The following XRCC4 variants were observed in gnomAD, a reference collection of about 807,000 sequenced individuals.
The protein encoded by XRCC4 is X-ray repair cross complementing 4, also known as DNA repair protein XRCC4.
In XRCC4, 28 loss-of-function variants were observed where a neutral mutation model predicts 39.1. The observed-to-expected ratio is 0.72, with a 90% confidence interval of 0.53 to 0.98. The LOEUF (loss-of-function observed/expected upper bound fraction) is 0.98. Among genes scored for constraint, XRCC4 ranks in the 50% least tolerant of loss-of-function variants. The pLI is 0.00. For missense variants in XRCC4, 350 were observed against 376.4 expected, an observed-to-expected ratio of 0.93 and a Z score of 0.58; for synonymous variants, 123 against 126.4, an observed-to-expected ratio of 0.97 and a Z score of 0.18.
At chr5:83,301,874 C>T (rs1221684250) in intron 7 of XRCC4, among the ~76,000 whole-genome samples, 1 of 152,082 alleles carries the variant, frequency 6.6e-6, no homozygotes, top group Non-Finnish European at 1.5e-5. Flanking sequence ...TGTCAAAGAT[C>T]AGATGGTTGT....
At chr5:83,304,600 A>T (rs1162965805) in intron 7 of XRCC4, among the ~76,000 whole-genome samples, 1 of 152,202 alleles carries the variant, frequency 6.6e-6, no homozygotes, top group Admixed American at 6.5e-5. Context: ...TTATTACTTT[A>T]GTTATCTTCT....
intron 7 of XRCC4, among the ~76,000 whole-genome samples, chr5:83,314,542 T>G (rs924957181): frequency 1.3e-5 from 2 of 152,162 alleles, no homozygotes; most frequent in African/African-American, 4.8e-5. Flanking sequence ...TATGGCATAT[T>G]TTATAAATTG....
chr5:83,128,125 C>T (rs1747367355), intron 3 of XRCC4, among the ~76,000 whole-genome samples: 2 of 152,072 alleles, frequency 1.3e-5, no homozygotes, highest in African/African-American at 2.4e-5. Flanking sequence ...CGTCCACCCT[C>T]CTGCCACCCC....
At chr5:83,216,727 G>A (rs554209606) in intron 6 of XRCC4, among the ~76,000 whole-genome samples, 1 of 152,266 alleles carries the variant, frequency 6.6e-6, no homozygotes, top group South Asian at 2.1e-4. Flanking sequence ...GTTGTTTATT[G>A]TATGATCCTA....
chr5:83,202,790 A>G (rs565926890), intron 4 of XRCC4, among the ~76,000 whole-genome samples: 1 of 152,342 alleles, frequency 6.6e-6, no homozygotes, highest in South Asian at 2.1e-4. Context: ...TATTAAGTAT[A>G]TACAACCTCA....
chr5:83,168,372 A>G (rs1033195055), intron 3 of XRCC4, among the ~76,000 whole-genome samples: 1 of 152,204 alleles, frequency 6.6e-6, no homozygotes, highest in African/African-American at 2.4e-5. Context: ...CTCAAAATAC[A>G]TAAAGCAACA....
chr5:83,288,548 C>T (rs1341933199), intron 7 of XRCC4, among the ~76,000 whole-genome samples: 2 of 151,872 alleles, frequency 1.3e-5, no homozygotes, highest in Non-Finnish European at 2.9e-5. Context: ...AGGATAATTT[C>T]ACTGAATATA....
At chr5:83,278,076 A>G (rs559434612) in intron 7 of XRCC4, among the ~76,000 whole-genome samples, 1 of 152,336 alleles carries the variant, frequency 6.6e-6, no homozygotes, top group East Asian at 1.9e-4. Context: ...TCAATTTGCC[A>G]GTCAGACAAA....
In XRCC4 at chr5:83,275,939, T is replaced by G. The variant is rs149043603; in HGVS notation, c.893+17262T>G. Among the ~76,000 whole-genome samples the G allele has an allele frequency of 1.3e-4, 20 of 152,360 alleles. No individual in the cohort carries two copies. In the East Asian group the frequency reaches 3.3e-3, roughly 25 times the overall value. ...ATTTGAATAACTATTTTGTTGATTATACCTGGATTTGATACCCAGGTGATT... is the reference window on the plus strand; with the variant it reads ...ATTTGAATAACTATTTTGTTGATTAGACCTGGATTTGATACCCAGGTGATT... On this transcript the variant is annotated intron_variant, in intron 7 of 7. Coordinates refer to ENST00000396027, the MANE Select transcript of XRCC4 (RefSeq NM_003401.5).
At chr5:83,134,972 A>G (rs947315766) in intron 3 of XRCC4, among the ~76,000 whole-genome samples, 1 of 152,154 alleles carries the variant, frequency 6.6e-6, no homozygotes, top group South Asian at 2.1e-4. Context: ...TACTCCGGAC[A>G]CATCTGAACA....
At chr5:83,372,394 G>A in the XRCC4 span, among the ~76,000 whole-genome samples, 2 of 152,076 alleles carry the variant, frequency 1.3e-5, no homozygotes, top group Middle Eastern at 3.2e-3. Context: ...AAAGTGTGAG[G>A]GACGTGATGA....
intron 3 of XRCC4, among the ~76,000 whole-genome samples, chr5:83,112,001 A>T (rs2112404455): frequency 6.6e-6 from 1 of 152,324 alleles, no homozygotes; most frequent in East Asian, 1.9e-4. Flanking sequence ...CTTTTAAATC[A>T]ACCTTTTAAA....
intron 3 of XRCC4, among the ~76,000 whole-genome samples, chr5:83,177,765 T>C (rs902644710): frequency 1.1e-4 from 17 of 152,026 alleles, no homozygotes; most frequent in African/African-American, 3.9e-4. Context: ...GGCTTTGAAA[T>C]GGGTAGTTGT....
chr5:83,243,219 G>A (rs748249919), intron 6 of XRCC4, among the ~76,000 whole-genome samples: 3 of 152,266 alleles, frequency 2.0e-5, no homozygotes, highest in Admixed American at 6.5e-5. Context: ...GATAAAGAAG[G>A]TGAGTGAACA....
chr5:83,119,519 T>C (rs1746894231), intron 3 of XRCC4, among the ~76,000 whole-genome samples: 1 of 152,178 alleles, frequency 6.6e-6, no homozygotes, highest in Non-Finnish European at 1.5e-5. Flanking sequence ...AACAAAAATA[T>C]CAGTGTTTAG....
At chr5:83,291,700 C>T (rs202039171) in intron 7 of XRCC4, among the ~76,000 whole-genome samples, 5 of 151,734 alleles carry the variant, frequency 3.3e-5, no homozygotes, top group Middle Eastern at 6.8e-3. Flanking sequence ...GACTACTTAC[C>T]GACTTTATCA....
chr5:83,355,065 A>T (rs192796002), downstream of XRCC4, among the ~76,000 whole-genome samples: 7 of 151,988 alleles, frequency 4.6e-5, no homozygotes, highest in Non-Finnish European at 8.8e-5. Flanking sequence ...TACCTCCCCA[A>T]CCTGATTTCC....
At chr5:83,360,881 A>T in the XRCC4 span, among the ~76,000 whole-genome samples, 1 of 152,192 alleles carries the variant, frequency 6.6e-6, no homozygotes, top group Non-Finnish European at 1.5e-5. Context: ...GTTACATAGC[A>T]GTGTTTTGAC....
intron 7 of XRCC4, among the ~76,000 whole-genome samples, chr5:83,349,374 A>G (rs1340197988): frequency 1.3e-5 from 2 of 152,234 alleles, no homozygotes; most frequent in East Asian, 3.9e-4. Flanking sequence ...CAAAAAGTCT[A>G]ACAATAAACA....
Sources: gnomAD v4.1 joint callset for allele counts (sites outside exome capture counted in the v4.1 genomes callset) on GRCh38, gnomAD v4.1.1 for gene constraint, MANE v1.5 for transcripts, NCBI Gene and HGNC (gene_info 2026-07-23, HGNC 2026-07-21) for gene names.